LDLRAD4: variants seen among roughly 807,000 people sequenced by gnomAD.
The protein encoded by LDLRAD4 is low density lipoprotein receptor class A domain containing 4, also known as low-density lipoprotein receptor class A domain-containing protein 4.
Under a neutral mutation model 17.0 loss-of-function variants are expected in LDLRAD4, and 5 were observed. The observed-to-expected ratio is 0.29, with a 90% CI of 0.15 to 0.62. The LOEUF (loss-of-function observed/expected upper bound fraction) is 0.62. LDLRAD4 is among the 20% of genes least tolerant of loss of function. LDLRAD4 has a pLI of 0.84. For synonymous variants in LDLRAD4, 168 were observed against 171.8 expected (o/e 0.98, Z 0.17); for missense variants, 340 against 424.7 (o/e 0.80, Z 1.75).
intron 1 of LDLRAD4, among the ~76,000 whole-genome samples, chr18:13,385,417 C>T (rs2085722108): frequency 6.6e-6 from 1 of 152,092 alleles, no homozygotes; most frequent in Non-Finnish European, 1.5e-5. Flanking sequence ...ATATTTTCTC[C>T]CAGTCTATCG....
chr18:13,302,866 G>A lies in LDLRAD4; in HGVS notation c.-383+24678G>A, dbSNP rs114362924. Among the ~76,000 whole-genome samples the A allele has an allele frequency of 8.4e-3, 1,271 of 152,172 alleles. 22 individuals are homozygous for A. The highest frequency in any genetic ancestry group is 0.029 in the African/African-American group (1,210 of 41,544). On this transcript the variant is annotated intron_variant, in intron 1 of 5. Coordinates refer to ENST00000359446, the Ensembl canonical transcript of LDLRAD4. ...GTTTTGTTATATGGAGTTATGTTAC[G>A]TGCAGTTATGTTACATGCAGTGCAG...
chr18:13,598,648 C>A (rs762273324), intron 3 of LDLRAD4, among the ~76,000 whole-genome samples: 5 of 152,260 alleles, frequency 3.3e-5, no homozygotes, highest in Non-Finnish European at 7.3e-5. Context: ...CAATTTCTTA[C>A]TACCAAAATT....
In LDLRAD4 at chr18:13,632,392, C is replaced by T. The variant is rs150599567; in HGVS notation, c.337-10967C>T. On this transcript the variant is annotated intron_variant, in intron 4 of 5. Coordinates refer to ENST00000359446, the Ensembl canonical transcript of LDLRAD4. ...TCCAGCCACTGTGCACAGCCAGGTG[C>T]GCTGGTTGCTGCAGCAGGGCAGGCA... 2.8e-4 allele frequency among the ~76,000 whole-genome samples: 42 copies of T among 152,344 alleles called. 1 individual carries two copies. The East Asian group carries it at 7.9e-3, about 29-fold the overall frequency.
At chr18:13,471,243 C>T (rs2092763966) in intron 3 of LDLRAD4, 1 of 152,190 alleles carries the variant, frequency 6.6e-6, no homozygotes, top group Non-Finnish European at 1.5e-5. Context: ...TAGACCCATG[C>T]GCTGGGTCTG....
chr18:13,611,751 G>A lies in LDLRAD4; in HGVS notation c.182-9366G>A, dbSNP rs969522473. ...TGGGGAATAATGATGTGAGGCAGAGGGAGAGGGAATGAATGGGAGAGCCAA... is the reference window on the plus strand; with the variant it reads ...TGGGGAATAATGATGTGAGGCAGAGAGAGAGGGAATGAATGGGAGAGCCAA... On this transcript the variant is annotated intron_variant, in intron 3 of 5. Transcript: ENST00000359446. 5.1e-6 allele frequency: 5 copies of A among 985,450 alleles called. No individual in the cohort carries two copies. In the African/African-American group the frequency reaches 8.7e-5, roughly 17 times the overall value. The allele number at this position is 985,450 out of a possible 1,614,324, so 61.0% of individuals were successfully genotyped here.
chr18:13,598,197 T>C (rs748849976), intron 3 of LDLRAD4, among the ~76,000 whole-genome samples: 1 of 152,260 alleles, frequency 6.6e-6, no homozygotes, highest in African/African-American at 2.4e-5. Context: ...TTCTCATTTA[T>C]TTAGTAGCTT....
chr18:13,490,733 A>T (rs748966685), intron 3 of LDLRAD4: 1 of 152,240 alleles, frequency 6.6e-6, no homozygotes, highest in Non-Finnish European at 1.5e-5. Flanking sequence ...GAAGTTTTTT[A>T]AAATGATGTG....
At chr18:13,483,870 A>T (rs923695558) in intron 3 of LDLRAD4, among the ~76,000 whole-genome samples, 12 of 152,044 alleles carry the variant, frequency 7.9e-5, no homozygotes, top group African/African-American at 2.9e-4. Flanking sequence ...GGTCCTATGA[A>T]GGTCTCTCTC....
At chr18:13,343,272 C>T (rs545361060) in intron 1 of LDLRAD4, among the ~76,000 whole-genome samples, 1 of 132,856 alleles carries the variant, frequency 7.5e-6, no homozygotes, top group South Asian at 2.8e-4. Flanking sequence ...GTGATGTTCC[C>T]CTTCCTGTGT....
chr18:13,430,856 A>G (rs143325218), intron 2 of LDLRAD4, among the ~76,000 whole-genome samples: 39 of 152,168 alleles, frequency 2.6e-4, no homozygotes, highest in Admixed American at 4.6e-4. Flanking sequence ...GCTGCCCTCC[A>G]GGATGTGTCC....
chr18:13,301,845 G>A (rs898537689), intron 1 of LDLRAD4, among the ~76,000 whole-genome samples: 8 of 152,148 alleles, frequency 5.3e-5, no homozygotes, highest in East Asian at 1.9e-4. Context: ...TGAGGTGGGC[G>A]TCATTGGGCA....
At chr18:13,404,793 G>A (rs1022505922) in intron 2 of LDLRAD4, among the ~76,000 whole-genome samples, 2 of 147,954 alleles carry the variant, frequency 1.4e-5, no homozygotes, top group Non-Finnish European at 3.0e-5. Flanking sequence ...GCGAAACTCC[G>A]TCTCAAAAAA....
chr18:13,416,702 A>T (rs2088931090), intron 2 of LDLRAD4, among the ~76,000 whole-genome samples: 1 of 152,232 alleles, frequency 6.6e-6, no homozygotes, highest in African/African-American at 2.4e-5. Context: ...GCTATTTGCA[A>T]AAATGTTATT....
At chr18:13,227,500 C>T (rs1314111685) in intron 1 of LDLRAD4, among the ~76,000 whole-genome samples, 1 of 152,198 alleles carries the variant, frequency 6.6e-6, no homozygotes, top group African/African-American at 2.4e-5. Flanking sequence ...GGTGCACTTC[C>T]ACCTGGCATT....
chr18:13,336,283 A>C (rs565534360), intron 1 of LDLRAD4, among the ~76,000 whole-genome samples: 5 of 152,306 alleles, frequency 3.3e-5, no homozygotes, highest in Admixed American at 3.3e-4. Context: ...CTTTATCTTT[A>C]AAGTCAGATT....
At chr18:13,432,617 A>T (rs117640806) in intron 2 of LDLRAD4, among the ~76,000 whole-genome samples, 2,975 of 152,268 alleles carry the variant, frequency 0.02, 43 homozygotes, top group Non-Finnish European at 0.033. Flanking sequence ...CGGTTTAGAG[A>T]TGAGTTCTTT....
Position 13,393,482 on chromosome 18 carries a change from G to T in LDLRAD4, c.40+5720G>T, listed in dbSNP as rs2086427816. Among the ~76,000 whole-genome samples the T allele has an allele frequency of 3.3e-5, 5 of 152,144 alleles. No individual in the cohort carries two copies. In the South Asian group the frequency reaches 6.2e-4, roughly 19 times the overall value. ...AGAAGCCACAAATGTTTTGGGGGTC[G>T]CCTCCTGCCATCTGCAGCTCCCGTG... On this transcript the variant is annotated intron_variant, in intron 2 of 5. Transcript: ENST00000359446.
At chr18:13,417,924 G>A (rs2145803237) in intron 2 of LDLRAD4, among the ~76,000 whole-genome samples, 1 of 152,154 alleles carries the variant, frequency 6.6e-6, no homozygotes, top group South Asian at 2.1e-4. Context: ...GAAAACCCTG[G>A]TAACCACTGG....
chr18:13,534,839 C>T (rs901579647), intron 3 of LDLRAD4, among the ~76,000 whole-genome samples: 2 of 152,222 alleles, frequency 1.3e-5, no homozygotes, highest in Non-Finnish European at 2.9e-5. Context: ...ACCCAGTCCC[C>T]AGTCCCGACC....
Sources: gnomAD v4.1 joint callset for allele counts (sites outside exome capture counted in the v4.1 genomes callset) on GRCh38, gnomAD v4.1.1 for gene constraint, MANE v1.5 for transcripts, NCBI Gene and HGNC (gene_info 2026-07-23, HGNC 2026-07-21) for gene names.